Variants in TET3 observed in about 807,000 individuals in gnomAD.
The protein encoded by TET3 is methylcytosine dioxygenase TET3.
Under a neutral mutation model 141.4 loss-of-function variants are expected in TET3, and 19 were observed. The ratio of observed to expected loss-of-function variants is 0.13; its 90% CI spans 0.09 to 0.20. The LOEUF is 0.20. Among genes scored for constraint, TET3 ranks in the 10% least tolerant of loss-of-function variants. TET3 has a pLI of 1.00. For synonymous variants in TET3, 1,043 were observed against 980.9 expected (o/e 1.06, Z -1.18); for missense variants, 1,874 against 2,356.9 (o/e 0.80, Z 4.24).
At chr2:74,052,096 C>T (rs1478908422) in intron 4 of TET3, among the ~76,000 whole-genome samples, 2 of 152,172 alleles carry the variant, frequency 1.3e-5, no homozygotes, top group Non-Finnish European at 2.9e-5. Context: ...TCTCATGCCT[C>T]GACCTCCCGA....
At chr2:74,132,279 C>G in the TET3 span, among the ~76,000 whole-genome samples, 1 of 152,152 alleles carries the variant, frequency 6.6e-6, no homozygotes, top group African/African-American at 2.4e-5. Context: ...AATCAGAGCC[C>G]TTCCTGGGAA....
At chr2:74,061,044 G>A (rs1490510727) in intron 4 of TET3, among the ~76,000 whole-genome samples, 11 of 151,770 alleles carry the variant, frequency 7.2e-5, no homozygotes, top group Admixed American at 4.6e-4. Flanking sequence ...CCTCCCAGAC[G>A]GGGTGGTGGC....
intron 4 of TET3, 96 bp from the exon 5 acceptor site, chr2:74,073,453 A>C: frequency 3.8e-5 from 30 of 790,132 alleles, no homozygotes; most frequent in Non-Finnish European, 5.4e-5. Flanking sequence ...CCTGTTTTCT[A>C]GCATGCCTAT....
intron 3 of TET3, among the ~76,000 whole-genome samples, chr2:74,036,441 T>G (rs1687060614): frequency 6.6e-6 from 1 of 152,268 alleles, no homozygotes; most frequent in Non-Finnish European, 1.5e-5. Flanking sequence ...GCACTCAGGT[T>G]GTTTGTAATT....
chr2:74,105,106 A>C lies in TET3; in HGVS notation c.*2930A>C. 1 of 398,592 alleles carries C rather than the reference A, an allele frequency of 2.5e-6. No individual in the cohort carries two copies. Among genetic ancestry groups the C allele is most frequent in the Non-Finnish European group, 4.4e-6 (1 of 226,070 alleles). 24.7% of individuals were successfully genotyped at this position (398,592 alleles called of 1,614,324 possible). A position where few individuals can be genotyped will look rare whatever the true frequency, so the allele number is the denominator to read the frequency against. On this transcript the variant is annotated 3_prime_UTR_variant, in exon 12 of 12. Transcript: ENST00000409262. ...CAAATTTTTATTTTTTACTGGCACT[A>C]TCATTTTTTAAGTCCTAAAGATGAT... is the stretch of plus-strand genomic sequence containing the variant.
chr2:74,048,995 G>A (rs1186141057), intron 4 of TET3, among the ~76,000 whole-genome samples: 1 of 152,288 alleles, frequency 6.6e-6, no homozygotes, highest in East Asian at 1.9e-4. Flanking sequence ...CTGTCACCTT[G>A]TGCTTTTGAA....
In TET3 at chr2:74,101,237, C is replaced by T; in HGVS notation, c.4449C>T (p.Ser1483=). The change falls in exon 12 of 12, where the codon TCC becomes TCT. Residue 1483 remains serine, a synonymous_variant. Transcript: ENST00000409262. The surrounding 1 kb of genome is among the most constrained non-coding windows in gnomAD (Gnocchi z 8.5). The stretch of plus-strand genomic sequence containing the variant: ...TTGGGGCCAGCTGCCTGGCCCCTTC[C>T]CACTTCACAGATGGCCAGTGGGGGC... ...SSFGASCLAP[S]HFTDGQWGLF... 1 of 1,612,738 alleles carries T rather than the reference C, an allele frequency of 6.2e-7. No homozygotes were observed. The highest frequency in any genetic ancestry group is 8.5e-7 in the Non-Finnish European group (1 of 1,179,344).
At chr2:74,076,463 T>G (rs932206340) in intron 5 of TET3, among the ~76,000 whole-genome samples, 50 of 147,824 alleles carry the variant, frequency 3.4e-4, no homozygotes, top group African/African-American at 9.4e-4. Flanking sequence ...TTTTTTTTTT[T>G]TTTTTTTGTC....
In TET3 at chr2:74,102,398, C is replaced by T. The variant is rs770860171; in HGVS notation, c.*222C>T. 8.4e-5 allele frequency: 46 copies of T among 550,310 alleles called. No individual in the cohort carries two copies. Among genetic ancestry groups the T allele is most frequent in the Non-Finnish European group, 1.1e-4 (40 of 376,398 alleles). The allele number at this position is 550,310 out of a possible 1,614,324, so 34.1% of individuals were successfully genotyped here. On this transcript the variant is annotated 3_prime_UTR_variant, in exon 12 of 12. Transcript: ENST00000409262. ...CCCCAGCACTTTGAAGAAGAAACTA[C>T]GGCTGTCGGGTGATTTTTCCGTGAT... is the stretch of plus-strand genomic sequence containing the variant.
At chr2:74,080,934 G>A (rs1163678211) in intron 6 of TET3, among the ~76,000 whole-genome samples, 1 of 152,210 alleles carries the variant, frequency 6.6e-6, no homozygotes, top group African/African-American at 2.4e-5. Context: ...AGGGAAACTG[G>A]GGATGCTGTC....
chr2:74,008,524 T>G (rs1015359239), intron 3 of TET3, among the ~76,000 whole-genome samples: 1 of 152,196 alleles, frequency 6.6e-6, no homozygotes, highest in African/African-American at 2.4e-5. Context: ...CCATGCAGTG[T>G]TTGTTAATAA....
intron 6 of TET3, among the ~76,000 whole-genome samples, chr2:74,085,928 C>T (rs1431125350): frequency 6.6e-6 from 1 of 152,118 alleles, no homozygotes. Flanking sequence ...CTCAGGAATC[C>T]ATTCTTCTCC....
chr2:74,106,631 T>C lies in TET3; in HGVS notation c.*4455T>C, dbSNP rs532405084. 1 of 153,922 alleles carries C rather than the reference T, an allele frequency of 6.5e-6. No homozygotes were observed. Among genetic ancestry groups the C allele is most frequent in the African/African-American group, 2.4e-5 (1 of 41,596 alleles). The allele number at this position is 153,922 out of a possible 1,614,324, so 9.5% of individuals were successfully genotyped here. ...GCTTTCTTTGCTCACTCGATGCCAC[T>C]GAGGCTGCTTTTTAGTTGGTGCTAA... On this transcript the variant is annotated 3_prime_UTR_variant, in exon 12 of 12. Coordinates refer to ENST00000409262, the MANE Select transcript of TET3 (RefSeq NM_001287491.2).
chr2:74,065,815 G>A (rs1427389656), intron 4 of TET3, among the ~76,000 whole-genome samples: 1 of 150,414 alleles, frequency 6.6e-6, no homozygotes, highest in Non-Finnish European at 1.5e-5. Context: ...CTGGAGTGCA[G>A]TGGTGCGACC....
intron 6 of TET3, among the ~76,000 whole-genome samples, chr2:74,084,075 C>CA (rs1391897635): frequency 6.6e-6 from 1 of 152,168 alleles, no homozygotes; most frequent in Non-Finnish European, 1.5e-5. Context: ...TACTGATAGC[C>CA]AAAATACACA....
At chr2:74,048,712 G>A (rs990349571) in intron 4 of TET3, among the ~76,000 whole-genome samples, 1 of 152,214 alleles carries the variant, frequency 6.6e-6, no homozygotes, top group Non-Finnish European at 1.5e-5. Context: ...GCCCTACAGA[G>A]CCATCAGATA....
rs114033286 is a variant in TET3, at chr2:74,001,624, G to C, written c.304-1486G>C. 4.2e-3 allele frequency among the ~76,000 whole-genome samples: 641 copies of C among 152,272 alleles called. 3 individuals carry two copies. Among genetic ancestry groups the C allele is most frequent in the African/African-American group, 0.015 (615 of 41,530 alleles). ...AGAAGCTCTGGGGTGCTCAGCTACA[G>C]GGAGGGATTGGGGTAGGGAACGATG... On this transcript the variant is annotated intron_variant, in intron 2 of 11. Transcript: ENST00000409262.
intron 5 of TET3, among the ~76,000 whole-genome samples, chr2:74,079,412 A>G (rs1273674679): frequency 6.6e-6 from 1 of 152,190 alleles, no homozygotes; most frequent in Non-Finnish European, 1.5e-5. Context: ...TAGAGCTATA[A>G]AGAATAGAAG....
intron 4 of TET3, among the ~76,000 whole-genome samples, chr2:74,050,306 A>G (rs970717890): frequency 3.3e-5 from 5 of 152,190 alleles, no homozygotes; most frequent in Admixed American, 6.5e-5. Context: ...CGGCCTCACC[A>G]GGGCTGTTGT....
Sources: allele counts gnomAD v4.1 joint callset (sites outside exome capture counted in the v4.1 genomes callset), GRCh38; gene constraint gnomAD v4.1.1; non-coding constraint Gnocchi (gnomAD v3.1); transcripts MANE v1.5; gene names NCBI Gene and HGNC (gene_info 2026-07-23, HGNC 2026-07-21).